PDE3A: variants seen among roughly 807,000 people sequenced by gnomAD.
PDE3A encodes cGMP-inhibited 3',5'-cyclic phosphodiesterase 3A.
PDE3A carries 43 observed loss-of-function variants against 98.3 expected under a neutral mutation model. That is an observed-to-expected ratio of 0.44 (90% confidence interval 0.34 to 0.56). The LOEUF (loss-of-function observed/expected upper bound fraction) is 0.56, where lower values mean the gene tolerates loss of function less well. Among genes scored for constraint, PDE3A ranks in the 20% least tolerant of loss-of-function variants. The pLI is 0.01. For missense variants in PDE3A, 1,427 were observed against 1,440.7 expected (o/e 0.99, Z 0.15); for synonymous variants, 663 against 567.9 (o/e 1.17, Z -2.38).
At chr12:20,500,768 C>CTTTTT (rs61218707) in intron 1 of PDE3A, among the ~76,000 whole-genome samples, 1 of 133,362 alleles carries the variant, frequency 7.5e-6, no homozygotes. Flanking sequence ...TTCTTTCTTT[C>CTTTTT]TTTTTTTTTT....
In PDE3A at chr12:20,404,774, A is replaced by T. The variant is rs550257216; in HGVS notation, c.960+34530A>T. On this transcript the variant is annotated intron_variant, in intron 1 of 15. Coordinates refer to ENST00000359062, the MANE Select transcript of PDE3A (RefSeq NM_000921.5). Reference sequence around the variant, plus strand: ...AGGCATGATTCATATTCCTTGAGCTATTGGCCACGTGCCAGGGACCATTGC... The same window carrying T: ...AGGCATGATTCATATTCCTTGAGCTTTTGGCCACGTGCCAGGGACCATTGC... 2.1e-5 allele frequency among the ~76,000 whole-genome samples: 3 copies of T among 143,992 alleles called. 1 individual carries two copies. Among genetic ancestry groups the T allele is most frequent in the African/African-American group, 5.1e-5 (2 of 39,038 alleles). The allele number at this position is 143,992 out of a possible 152,430, so 94.5% of individuals were successfully genotyped here.
intron 1 of PDE3A, among the ~76,000 whole-genome samples, chr12:20,440,786 G>A (rs1304967531): frequency 3.9e-5 from 6 of 152,132 alleles, no homozygotes; most frequent in Admixed American, 3.9e-4. Context: ...TGGAAGCTTA[G>A]CTTTCTTCCC....
intron 1 of PDE3A, chr12:20,553,003 G>T: frequency 6.4e-7 from 1 of 1,556,912 alleles, no homozygotes; most frequent in South Asian, 1.2e-5. Flanking sequence ...CTACGGCAAT[G>T]GCCGGTGATC....
intron 1 of PDE3A, among the ~76,000 whole-genome samples, chr12:20,410,629 T>G (rs1944316214): frequency 6.6e-6 from 1 of 152,160 alleles, no homozygotes; most frequent in Non-Finnish European, 1.5e-5. Flanking sequence ...TTGTTGTTGT[T>G]GTTTTGGGTG....
chr12:20,676,758 G>A (rs189496291), intron 15 of PDE3A, among the ~76,000 whole-genome samples: 46 of 152,108 alleles, frequency 3.0e-4, no homozygotes, highest in African/African-American at 8.2e-4. Context: ...CTTGGCCTCC[G>A]AAAGTGCTGG....
At chr12:20,433,948 A>C (rs1181852763) in intron 1 of PDE3A, among the ~76,000 whole-genome samples, 3 of 152,154 alleles carry the variant, frequency 2.0e-5, no homozygotes, top group Admixed American at 6.5e-5. Flanking sequence ...AAGAAGTGCT[A>C]GTGGAAAAAT....
chr12:20,529,523 A>C (rs1260818951), intron 1 of PDE3A, among the ~76,000 whole-genome samples: 1 of 152,134 alleles, frequency 6.6e-6, no homozygotes, highest in Non-Finnish European at 1.5e-5. Context: ...CTAATTCAAC[A>C]TGACTGGTAT....
chr12:20,668,590 C>A (rs1360062500), intron 15 of PDE3A, among the ~76,000 whole-genome samples: 1 of 152,226 alleles, frequency 6.6e-6, no homozygotes, highest in African/African-American at 2.4e-5. Context: ...TAGAGGAACA[C>A]TGACACCTCA....
chr12:20,578,067 G>T (rs186754816), intron 2 of PDE3A, among the ~76,000 whole-genome samples: 18 of 152,080 alleles, frequency 1.2e-4, no homozygotes, highest in Non-Finnish European at 1.3e-4. Context: ...CAATGAAGTC[G>T]GAAGAAATTC....
chr12:20,434,144 A>G (rs1236407411), intron 1 of PDE3A, among the ~76,000 whole-genome samples: 1 of 151,332 alleles, frequency 6.6e-6, no homozygotes, highest in Non-Finnish European at 1.5e-5. Flanking sequence ...TCATTTGTCA[A>G]ATCAAGGCTT....
At chr12:20,533,191 C>CT (rs1941655975) in intron 1 of PDE3A, among the ~76,000 whole-genome samples, 1 of 151,946 alleles carries the variant, frequency 6.6e-6, no homozygotes, top group Non-Finnish European at 1.5e-5. Context: ...AAGGAGTTTG[C>CT]ATTTTTTTCA....
intron 6 of PDE3A, among the ~76,000 whole-genome samples, chr12:20,631,700 A>ATTTTTTTTTTTTTTTTTTTTTT (rs58133440): frequency 8.6e-6 from 1 of 116,876 alleles, no homozygotes; most frequent in Non-Finnish European, 1.8e-5. Context: ...ATCATAGTGT[A>ATTTTTTTTTTTTTTTTTTTTTT]TTTTTTTTTT....
chr12:20,492,420 G>GAATCCTGTCTGCTAT (rs1565566579), intron 1 of PDE3A, among the ~76,000 whole-genome samples: 6 of 151,888 alleles, frequency 4.0e-5, no homozygotes, highest in Admixed American at 2.6e-4. Context: ...CTATATGTAT[G>GAATCCTGTCTGCTAT]AGTCACAGTC....
In PDE3A at chr12:20,369,838, TACTC is replaced by T; in HGVS notation, c.555_558del (p.Leu185PhefsTer21). The T allele has an allele frequency of 6.2e-7, 1 of 1,611,878 alleles. No homozygotes were observed. Among genetic ancestry groups the T allele is most frequent in the Non-Finnish European group, 8.5e-7 (1 of 1,179,410 alleles). On this transcript the variant is annotated frameshift_variant, in exon 1 of 16. Coordinates refer to ENST00000359062, the MANE Select transcript of PDE3A (RefSeq NM_000921.5). LOFTEE classifies it high-confidence loss of function. Reference sequence around the variant, plus strand: ...GGGCTGGGCGTCGGGGAGGATCACTTACTCTCACTCCCCGCCGCGGGGGTGGTGC... The same window carrying T: ...GGGCTGGGCGTCGGGGAGGATCACTTTCACTCCCCGCCGCGGGGGTGGTGC...
chr12:20,517,411 T>C (rs957188512), intron 1 of PDE3A, among the ~76,000 whole-genome samples: 1 of 152,180 alleles, frequency 6.6e-6, no homozygotes, highest in South Asian at 2.1e-4. Flanking sequence ...CCTCTGAGTA[T>C]ATTTGGATTG....
chr12:20,683,990 A>T lies in PDE3A; in HGVS notation c.*3719A>T, dbSNP rs1051988831. The T allele has an allele frequency of 6.6e-6, 1 of 152,190 alleles. No homozygotes were observed. The highest frequency in any genetic ancestry group is 1.5e-5 in the Non-Finnish European group (1 of 68,022). 9.4% of individuals were successfully genotyped at this position (152,190 alleles called of 1,614,324 possible). ...TGAAGGTAAAAGCTGTGCAAAAGGC[A>T]TGAGACTCAGGCCTACTCTTTGTTT... On this transcript the variant is annotated 3_prime_UTR_variant, in exon 16 of 16. Coordinates refer to ENST00000359062, the MANE Select transcript of PDE3A (RefSeq NM_000921.5).
intron 2 of PDE3A, among the ~76,000 whole-genome samples, chr12:20,559,046 G>A (rs1288408992): frequency 2.6e-5 from 4 of 152,082 alleles, no homozygotes; most frequent in Non-Finnish European, 5.9e-5. Context: ...CACATATAAG[G>A]CAATCTGATA....
rs184972462 is a variant in PDE3A, at chr12:20,563,406, C to A, written c.1011+6696C>A. On this transcript the variant is annotated intron_variant, in intron 2 of 15. Coordinates refer to ENST00000359062, the MANE Select transcript of PDE3A (RefSeq NM_000921.5). The stretch of plus-strand genomic sequence containing the variant: ...CAGCCGTATTTCCCAGGAATTTGTT[C>A]CAAGGGATTAATGTGAGCAGATTGG... 4.7e-5 allele frequency among the ~76,000 whole-genome samples: 7 copies of A among 148,642 alleles called. No individual in the cohort carries two copies. In the East Asian group the frequency reaches 1.2e-3, roughly 26 times the overall value.
At chr12:20,399,401 A>C (rs1376325630) in intron 1 of PDE3A, among the ~76,000 whole-genome samples, 1 of 152,182 alleles carries the variant, frequency 6.6e-6, no homozygotes, top group Non-Finnish European at 1.5e-5. Flanking sequence ...ACTGCATTTT[A>C]AAAACTAGAA....
Sources: gnomAD v4.1 joint callset for allele counts (sites outside exome capture counted in the v4.1 genomes callset) on GRCh38, gnomAD v4.1.1 for gene constraint, MANE v1.5 for transcripts, NCBI Gene and HGNC (gene_info 2026-07-23, HGNC 2026-07-21) for gene names.